The following MYRIP variants were observed in gnomAD, a reference collection of about 807,000 sequenced individuals.
MYRIP encodes the protein myosin VIIA and Rab interacting protein.
In MYRIP, 49 loss-of-function variants were observed where a neutral mutation model predicts 98.0. That is an observed-to-expected ratio of 0.50 (90% confidence interval 0.40 to 0.63). MYRIP has a LOEUF of 0.63. MYRIP is among the 30% of genes least tolerant of loss of function. The pLI is 0.00. For synonymous variants in MYRIP, 404 were observed against 409.5 expected (o/e 0.99, Z 0.16); for missense variants, 1,004 against 1,058.2 (o/e 0.95, Z 0.71).
At chr3:40,030,210 A>T (rs568357167) in intron 2 of MYRIP, among the ~76,000 whole-genome samples, 2 of 152,214 alleles carry the variant, frequency 1.3e-5, no homozygotes, top group South Asian at 4.1e-4. Flanking sequence ...CTCCAAGGAG[A>T]TGTACAAATG....
chr3:39,954,931 A>C (rs1464017822), intron 2 of MYRIP, among the ~76,000 whole-genome samples: 1 of 152,178 alleles, frequency 6.6e-6, no homozygotes, highest in Admixed American at 6.6e-5. Context: ...TCAGTGATTG[A>C]AGATCAAATT....
intron 2 of MYRIP, among the ~76,000 whole-genome samples, chr3:39,927,937 T>C (rs1327910626): frequency 1.3e-5 from 2 of 151,918 alleles, no homozygotes; most frequent in Admixed American, 6.6e-5. Flanking sequence ...ACAAAAACCA[T>C]ATGATCATCT....
intron 2 of MYRIP, among the ~76,000 whole-genome samples, chr3:40,025,602 A>C (rs1440225810): frequency 2.6e-5 from 4 of 152,156 alleles, no homozygotes; most frequent in Non-Finnish European, 4.4e-5. Flanking sequence ...CCAATATTTC[A>C]ATGTAGGTTC....
At chr3:40,156,353 T>A (rs1262945142) in intron 4 of MYRIP, among the ~76,000 whole-genome samples, 1 of 152,180 alleles carries the variant, frequency 6.6e-6, no homozygotes, top group African/African-American at 2.4e-5. Context: ...TTGATCTATA[T>A]TTCTGTTTTG....
At chr3:40,122,047 T>C (rs963445104) in intron 3 of MYRIP, among the ~76,000 whole-genome samples, 9 of 152,186 alleles carry the variant, frequency 5.9e-5, no homozygotes, top group Non-Finnish European at 1.0e-4. Context: ...CCAGAATTTA[T>C]TGTAATGTTA....
At chr3:40,157,830 T>C (rs1319854837) in intron 4 of MYRIP, among the ~76,000 whole-genome samples, 2 of 151,316 alleles carry the variant, frequency 1.3e-5, no homozygotes, top group Non-Finnish European at 3.0e-5. Context: ...TTCTGTGGGA[T>C]CGGTGGTGAT....
intron 2 of MYRIP, among the ~76,000 whole-genome samples, chr3:40,004,941 C>T (rs1015176991): frequency 6.6e-6 from 1 of 152,146 alleles, no homozygotes; most frequent in Non-Finnish European, 1.5e-5. Context: ...CCCCCTCCCT[C>T]CTATCCCCCT....
At chr3:40,091,434 G>T (rs749556170) in intron 3 of MYRIP, among the ~76,000 whole-genome samples, 2 of 152,006 alleles carry the variant, frequency 1.3e-5, no homozygotes, top group Non-Finnish European at 2.9e-5. Flanking sequence ...CAACATTTTG[G>T]GTTTCCTGGC....
chr3:40,160,577 G>T (rs1950363489), intron 4 of MYRIP, among the ~76,000 whole-genome samples: 2 of 152,178 alleles, frequency 1.3e-5, no homozygotes, highest in South Asian at 4.1e-4. Context: ...GCAATGGCGG[G>T]CGCCCCTCCC....
intron 1 of MYRIP, among the ~76,000 whole-genome samples, chr3:39,882,236 G>C (rs1334965723): frequency 6.6e-6 from 1 of 151,966 alleles, no homozygotes; most frequent in African/African-American, 2.4e-5. Context: ...TTGGTGTTTT[G>C]CATGTTAATT....
chr3:39,976,681 A>G (rs1015208449), intron 2 of MYRIP, among the ~76,000 whole-genome samples: 14 of 152,310 alleles, frequency 9.2e-5, no homozygotes, highest in African/African-American at 1.7e-4. Context: ...TTTAGAAAAT[A>G]TGGCACATAT....
chr3:39,851,613 A>AGAACCACTTCTGAAGAAGGT (rs1215307878), intron 1 of MYRIP, among the ~76,000 whole-genome samples: 1 of 152,202 alleles, frequency 6.6e-6, no homozygotes, highest in African/African-American at 2.4e-5. Context: ...TTCTACCAGG[A>AGAACCACTTCTGAAGAAGGT]TCTAATAGAA....
chr3:39,854,459 T>C (rs1942225010), intron 1 of MYRIP, among the ~76,000 whole-genome samples: 1 of 152,162 alleles, frequency 6.6e-6, no homozygotes, highest in Admixed American at 6.5e-5. Flanking sequence ...GCATTTTGTA[T>C]TTTTCCAAGT....
intron 2 of MYRIP, among the ~76,000 whole-genome samples, chr3:40,002,581 C>T (rs763387927): frequency 1.9e-4 from 29 of 151,750 alleles, no homozygotes; most frequent in Non-Finnish European, 3.5e-4. Context: ...GTAACTCTGC[C>T]ACTCCCAAGA....
At chr3:40,015,756 G>C (rs1946849504) in intron 2 of MYRIP, among the ~76,000 whole-genome samples, 1 of 152,170 alleles carries the variant, frequency 6.6e-6, no homozygotes, top group Non-Finnish European at 1.5e-5. Flanking sequence ...ATCTTATTTT[G>C]TACTCTGTGT....
rs115595965 is a variant in MYRIP at position 39,959,876 on chromosome 3, T to C, written c.110+58950T>C. Among the ~76,000 whole-genome samples, 859 of 152,256 alleles carry C rather than the reference T, an allele frequency of 5.6e-3. 9 individuals are homozygous for C. Among genetic ancestry groups the C allele is most frequent in the African/African-American group, 0.02 (814 of 41,542 alleles). ...TCTTCTGAATGGCAGTGCTCCTGTC[T>C]AGCACCATGGTGTTCGTGATTCCTT... On this transcript the variant is annotated intron_variant, in intron 2 of 16. Transcript: ENST00000302541.
intron 2 of MYRIP, among the ~76,000 whole-genome samples, chr3:40,010,718 C>A (rs1373920578): frequency 6.6e-6 from 1 of 152,094 alleles, no homozygotes; most frequent in Non-Finnish European, 1.5e-5. Context: ...GCTGCCATAC[C>A]TCCCCTGCCC....
At chr3:40,193,433 T>G (rs1454737873) in intron 10 of MYRIP, among the ~76,000 whole-genome samples, 2 of 152,314 alleles carry the variant, frequency 1.3e-5, no homozygotes, top group East Asian at 3.9e-4. Flanking sequence ...TGTTCCATAA[T>G]GATGGGTATT....
chr3:39,900,701 T>C, intron 1 of MYRIP, 86 bp from the exon 2 acceptor site: 1 of 699,996 alleles, frequency 1.4e-6, no homozygotes, highest in Non-Finnish European at 2.4e-6. Context: ...ATATAAACAC[T>C]ATATTTAACT....
Sources: allele counts gnomAD v4.1 joint callset (sites outside exome capture counted in the v4.1 genomes callset), GRCh38; gene constraint gnomAD v4.1.1; transcripts MANE v1.5; gene names NCBI Gene and HGNC (gene_info 2026-07-23, HGNC 2026-07-21).